Variants in EVA1A observed in about 807,000 individuals in gnomAD.
EVA1A encodes protein eva-1 homolog A.
In EVA1A, 7 loss-of-function variants were observed where a neutral mutation model predicts 9.8. The ratio of observed to expected loss-of-function variants is 0.71; its 90% CI spans 0.41 to 1.34. The LOEUF is 1.34. EVA1A is among the 40% of genes most tolerant of loss of function. EVA1A has a pLI of 0.01. For synonymous variants in EVA1A, 90 were observed against 85.6 expected (o/e 1.05, Z -0.28); for missense variants, 206 against 205.9 (o/e 1.00, Z 0.00).
At chr2:75,520,832 A>G (rs568355654) in intron 2 of EVA1A, among the ~76,000 whole-genome samples, 199 of 142,726 alleles carry the variant, frequency 1.4e-3, no homozygotes, top group African/African-American at 4.7e-3. Context: ...CAACAAAAGT[A>G]AAAAAAAAGA....
chr2:75,509,289 T>C (rs1185793705), intron 3 of EVA1A, among the ~76,000 whole-genome samples: 1 of 152,166 alleles, frequency 6.6e-6, no homozygotes, highest in African/African-American at 2.4e-5. Context: ...TATCTGCACT[T>C]GCTGTGTAAA....
intron 1 of EVA1A, among the ~76,000 whole-genome samples, chr2:75,551,835 T>TA (rs1448929583): frequency 2.0e-5 from 3 of 152,194 alleles, no homozygotes; most frequent in African/African-American, 7.2e-5. Context: ...CCATACTCCA[T>TA]AACCCTCCGT....
chr2:75,566,847 A>ATT (rs11455207), intron 1 of EVA1A, among the ~76,000 whole-genome samples: 9 of 151,476 alleles, frequency 5.9e-5, no homozygotes, highest in African/African-American at 1.7e-4. Flanking sequence ...TTGCTTCTTT[A>ATT]TTTTTTTTTC....
chr2:75,561,151 G>A, upstream of EVA1A: 1 of 152,280 alleles, frequency 6.6e-6, no homozygotes, highest in Non-Finnish European at 1.5e-5. Context: ...TCCCCGCGCT[G>A]CCGACTGTCC....
intron 3 of EVA1A, among the ~76,000 whole-genome samples, chr2:75,499,516 A>C (rs1674333388): frequency 6.6e-6 from 1 of 152,150 alleles, no homozygotes. Context: ...ATAAAGCAAA[A>C]TGAAGCCCAT....
At position 75,517,910 on chromosome 2, in the gene EVA1A, C is replaced by T. The variant is rs755014096; in HGVS notation, c.85+146G>A. The T allele has an allele frequency of 5.3e-6, 5 of 935,742 alleles. No individual in the cohort carries two copies. In the East Asian group the frequency reaches 1.0e-4, roughly 20 times the overall value. 58.0% of individuals were successfully genotyped at this position (935,742 alleles called of 1,614,324 possible). A position where few individuals can be genotyped will look rare whatever the true frequency, so the allele number is the denominator to read the frequency against. ...CTTAACTCCCAACCTGGAGACCTTT[C>T]ATCTCAAAGCTCAGCAAAGCAGAGC... On this transcript the variant is annotated intron_variant, in intron 3 of 3. Coordinates refer to ENST00000393913, the MANE Select transcript of EVA1A (RefSeq NM_001135032.2).
At chr2:75,554,362 G>C (rs1379221446) in intron 1 of EVA1A, among the ~76,000 whole-genome samples, 1 of 152,190 alleles carries the variant, frequency 6.6e-6, no homozygotes, top group African/African-American at 2.4e-5. Context: ...GGGGCAAGAG[G>C]AGGAAGAGAG....
chr2:75,558,271 G>T (rs1676793164), intron 1 of EVA1A, among the ~76,000 whole-genome samples: 1 of 152,176 alleles, frequency 6.6e-6, no homozygotes, highest in African/African-American at 2.4e-5. Context: ...TGCAGAGAAG[G>T]TACGCTATTT....
At position 75,493,296 on chromosome 2, in the gene EVA1A, C is replaced by A. The variant is rs140193404; in HGVS notation, c.399G>T (p.Glu133Asp). The A allele has an allele frequency of 5.9e-5, 96 of 1,613,992 alleles. No individual in the cohort carries two copies. Among genetic ancestry groups the A allele is most frequent in the Non-Finnish European group, 7.6e-5 (90 of 1,179,990 alleles). The change falls in exon 4 of 4, where the codon GAG becomes GAT. Residue 133 changes from glutamate to aspartate, a missense_variant. Transcript: ENST00000393913. ...RLEERERIIR[E>D]IWMNGQPEVP... ...CCTCAGGCTGGCCATTCATCCAGATCTCCCTGATGATGCGCTCGCGCTCCT... is the reference window on the plus strand; with the variant it reads ...CCTCAGGCTGGCCATTCATCCAGATATCCCTGATGATGCGCTCGCGCTCCT...
intron 1 of EVA1A, among the ~76,000 whole-genome samples, chr2:75,557,455 TG>T (rs967826004): frequency 2.0e-5 from 3 of 152,216 alleles, no homozygotes; most frequent in Admixed American, 2.0e-4. Context: ...TTACAATACA[TG>T]GAGAGAAGGT....
chr2:75,497,456 C>T (rs2103772933), intron 3 of EVA1A, among the ~76,000 whole-genome samples: 1 of 152,182 alleles, frequency 6.6e-6, no homozygotes, highest in Non-Finnish European at 1.5e-5. Flanking sequence ...TCAGAGAAAT[C>T]ATGATCAAAA....
intron 1 of EVA1A, among the ~76,000 whole-genome samples, chr2:75,533,753 T>A (rs556294294): frequency 6.6e-6 from 1 of 150,994 alleles, no homozygotes; most frequent in Non-Finnish European, 1.5e-5. Flanking sequence ...CTGGGCAACA[T>A]GGTGAGACCC....
At chr2:75,557,019 C>G (rs1023715257) in intron 1 of EVA1A, among the ~76,000 whole-genome samples, 2 of 152,160 alleles carry the variant, frequency 1.3e-5, no homozygotes, top group Non-Finnish European at 2.9e-5. Flanking sequence ...GCAGCACTTA[C>G]TAGAATGTTT....
intron 3 of EVA1A, among the ~76,000 whole-genome samples, chr2:75,509,526 T>C (rs1674737518): frequency 6.6e-6 from 1 of 152,176 alleles, no homozygotes; most frequent in Admixed American, 6.5e-5. Flanking sequence ...ATTGTTTGGT[T>C]AGTTTATGTT....
At position 75,493,350 on chromosome 2, in the gene EVA1A, C is replaced by G. The variant is rs199652572; in HGVS notation, c.345G>C (p.Ala115=). ...RTLNKNVFTS[A]EELERAQRLE... Reference sequence around the variant, plus strand: ...GCCGCTGGGCGCGCTCCAGCTCCTCCGCAGAGGTGAACACATTCTTGTTCA... The same window carrying G: ...GCCGCTGGGCGCGCTCCAGCTCCTCGGCAGAGGTGAACACATTCTTGTTCA... The change falls in exon 4 of 4, where the codon GCG becomes GCC. Residue 115 remains alanine, a synonymous_variant. Transcript: ENST00000393913. 6.2e-7 allele frequency: 1 copy of G among 1,614,214 alleles called. No individual in the cohort carries two copies. The highest frequency in any genetic ancestry group is 8.5e-7 in the Non-Finnish European group (1 of 1,180,030).
chr2:75,511,664 G>C (rs1337664183), intron 3 of EVA1A, among the ~76,000 whole-genome samples: 1 of 152,118 alleles, frequency 6.6e-6, no homozygotes, highest in African/African-American at 2.4e-5. Flanking sequence ...TTTGGGAACT[G>C]GATGGAGGAA....
At chr2:75,515,316 G>A (rs1674965241) in intron 3 of EVA1A, among the ~76,000 whole-genome samples, 1 of 152,194 alleles carries the variant, frequency 6.6e-6, no homozygotes. Context: ...TGTTTGTTGT[G>A]AAGAATGGGC....
At position 75,493,310 on chromosome 2, in the gene EVA1A, G is replaced by A. The variant is rs1230645662; in HGVS notation, c.385C>T (p.Arg129Cys). 2.5e-6 allele frequency: 4 copies of A among 1,614,094 alleles called. No individual in the cohort carries two copies. Among genetic ancestry groups the A allele is most frequent in the Non-Finnish European group, 3.4e-6 (4 of 1,179,982 alleles). The change falls in exon 4 of 4, where the codon CGC becomes TGC. Residue 129 changes from arginine to cysteine, a missense_variant. By Grantham distance (180) the Arg-to-Cys change is radical. Transcript: ENST00000393913. ...TTCATCCAGATCTCCCTGATGATGC[G>A]CTCGCGCTCCTCCAGCCGCTGGGCG... ...ERAQRLEERERIIREIWMNGQ... is the reference protein window; with the variant it reads ...ERAQRLEERECIIREIWMNGQ...
At chr2:75,540,526 T>C (rs1438880648) in intron 1 of EVA1A, among the ~76,000 whole-genome samples, 1 of 152,200 alleles carries the variant, frequency 6.6e-6, no homozygotes, top group Non-Finnish European at 1.5e-5. Flanking sequence ...ATAGTTTTCC[T>C]GAAATATTAA....
Sources: allele counts gnomAD v4.1 joint callset (sites outside exome capture counted in the v4.1 genomes callset), GRCh38; gene constraint gnomAD v4.1.1; transcripts MANE v1.5; gene names NCBI Gene and HGNC (gene_info 2026-07-23, HGNC 2026-07-21).